Variants in SLC24A2 observed in about 807,000 individuals in gnomAD.
The protein encoded by SLC24A2 is sodium/potassium/calcium exchanger 2.
A neutral mutation model predicts 62.0 loss-of-function variants in SLC24A2; 36 were observed. That is an observed-to-expected ratio of 0.58 (90% confidence interval 0.44 to 0.77). SLC24A2 has a LOEUF of 0.77. Among genes scored for constraint, SLC24A2 ranks in the 30% least tolerant of loss-of-function variants. SLC24A2 has a pLI of 0.00. For missense variants in SLC24A2, 846 were observed against 817.9 expected, an observed-to-expected ratio of 1.03 and a Z score of -0.42; for synonymous variants, 358 against 294.0, an observed-to-expected ratio of 1.22 and a Z score of -2.23.
chr9:20,130,573 G>C, the SLC24A2 span, among the ~76,000 whole-genome samples: 2 of 151,966 alleles, frequency 1.3e-5, no homozygotes, highest in African/African-American at 4.8e-5. Flanking sequence ...GAAGGGTAGA[G>C]AATTTGTTGA....
chr9:19,540,700 T>G (rs1397458347), intron 8 of SLC24A2, among the ~76,000 whole-genome samples: 2 of 146,358 alleles, frequency 1.4e-5, no homozygotes, highest in Non-Finnish European at 1.5e-5. Flanking sequence ...TTGCTCTTCT[T>G]GAGGAGTATC....
the SLC24A2 span, among the ~76,000 whole-genome samples, chr9:20,264,636 G>C: frequency 1.3e-5 from 2 of 152,294 alleles, no homozygotes; most frequent in East Asian, 3.9e-4. Flanking sequence ...TGGAAGATGA[G>C]AGCAATCAAT....
At chr9:20,156,637 T>A in the SLC24A2 span, among the ~76,000 whole-genome samples, 1 of 151,746 alleles carries the variant, frequency 6.6e-6, no homozygotes, top group East Asian at 1.9e-4. Flanking sequence ...AAACTTAATT[T>A]CCTTTTGTTA....
At chr9:20,222,600 TA>T in the SLC24A2 span, among the ~76,000 whole-genome samples, 3 of 152,032 alleles carry the variant, frequency 2.0e-5, no homozygotes, top group Admixed American at 2.0e-4. Context: ...AAATCTTAAA[TA>T]AAGTACTAGC....
At chr9:20,303,275 C>T in the SLC24A2 span, among the ~76,000 whole-genome samples, 3 of 152,140 alleles carry the variant, frequency 2.0e-5, no homozygotes, top group Admixed American at 6.5e-5. Flanking sequence ...AGGGTACATC[C>T]CTCCTCCCAC....
At chr9:20,104,742 A>G in the SLC24A2 span, among the ~76,000 whole-genome samples, 4 of 152,356 alleles carry the variant, frequency 2.6e-5, no homozygotes, top group East Asian at 3.9e-4. Flanking sequence ...CCACTGCAAA[A>G]TCATGCCAAA....
chr9:19,622,784 A>AC (rs1376188630), intron 2 of SLC24A2, among the ~76,000 whole-genome samples: 1 of 152,186 alleles, frequency 6.6e-6, no homozygotes, highest in Non-Finnish European at 1.5e-5. Flanking sequence ...AGTGGTTGTT[A>AC]CTGGGGGATG....
chr9:19,650,415 A>T (rs1359481052), intron 2 of SLC24A2, among the ~76,000 whole-genome samples: 12 of 152,206 alleles, frequency 7.9e-5, no homozygotes, highest in Admixed American at 7.9e-4. Flanking sequence ...AAGACCAAGA[A>T]GAACAACCCA....
chr9:19,893,896 A>T, the SLC24A2 span, among the ~76,000 whole-genome samples: 1 of 152,186 alleles, frequency 6.6e-6, no homozygotes. Context: ...AGATGGCTGC[A>T]GTGGGTCACC....
At chr9:20,231,779 G>A in the SLC24A2 span, among the ~76,000 whole-genome samples, 1 of 151,674 alleles carries the variant, frequency 6.6e-6, no homozygotes, top group Non-Finnish European at 1.5e-5. Context: ...ATGTTGAACA[G>A]GAGTGGTGAG....
chr9:19,789,771 G>A (rs1188658275), upstream of SLC24A2, among the ~76,000 whole-genome samples: 3 of 152,144 alleles, frequency 2.0e-5, no homozygotes, highest in East Asian at 1.9e-4. Context: ...TGGTAGTGAG[G>A]GAACCCCTTT....
chr9:19,605,361 A>G (rs1169925573), intron 4 of SLC24A2, among the ~76,000 whole-genome samples: 1 of 152,194 alleles, frequency 6.6e-6, no homozygotes, highest in Non-Finnish European at 1.5e-5. Context: ...ATAGCTATGA[A>G]CCCAAATGAA....
the SLC24A2 span, among the ~76,000 whole-genome samples, chr9:20,199,242 A>T: frequency 3.9e-5 from 6 of 152,204 alleles, no homozygotes; most frequent in African/African-American, 1.4e-4. Context: ...CATCTGTGAA[A>T]CTCAGGCGGG....
chr9:20,212,924 G>C, the SLC24A2 span, among the ~76,000 whole-genome samples: 4 of 151,884 alleles, frequency 2.6e-5, no homozygotes, highest in African/African-American at 7.3e-5. Flanking sequence ...TGCAGGAACA[G>C]AAAACCAAAT....
chr9:20,274,750 G>A, the SLC24A2 span, among the ~76,000 whole-genome samples: 2 of 152,068 alleles, frequency 1.3e-5, no homozygotes, highest in East Asian at 3.9e-4. Context: ...TGTCCCCCAA[G>A]GATAGTGGAC....
chr9:20,228,873 G>C, the SLC24A2 span, among the ~76,000 whole-genome samples: 2 of 152,136 alleles, frequency 1.3e-5, no homozygotes, highest in African/African-American at 4.8e-5. Context: ...CACAGACACT[G>C]GTAAATGGAG....
intron 5 of SLC24A2, among the ~76,000 whole-genome samples, chr9:19,581,444 C>G (rs1220208260): frequency 1.3e-5 from 2 of 152,084 alleles, no homozygotes; most frequent in South Asian, 4.1e-4. Context: ...GTTCTTAACC[C>G]CTCTCCACCT....
the SLC24A2 span, among the ~76,000 whole-genome samples, chr9:20,112,625 A>G: frequency 1.3e-5 from 2 of 152,098 alleles, no homozygotes; most frequent in African/African-American, 2.4e-5. Context: ...AGCAATAATA[A>G]CCCCAGGGTG....
chr9:20,285,119 G>A, the SLC24A2 span, among the ~76,000 whole-genome samples: 1 of 152,306 alleles, frequency 6.6e-6, no homozygotes, highest in East Asian at 1.9e-4. Flanking sequence ...ATATTCATGT[G>A]AGGAAACCTC....
Sources: gnomAD v4.1 joint callset for allele counts (sites outside exome capture counted in the v4.1 genomes callset) on GRCh38, gnomAD v4.1.1 for gene constraint, MANE v1.5 for transcripts, NCBI Gene and HGNC (gene_info 2026-07-23, HGNC 2026-07-21) for gene names.